The following SNTG2 variants were observed in gnomAD, a reference collection of about 807,000 sequenced individuals.
The protein encoded by SNTG2 is syntrophin gamma 2, also known as gamma-2-syntrophin.
Under a neutral mutation model 70.9 loss-of-function variants are expected in SNTG2, and 74 were observed. The observed-to-expected ratio is 1.04, with a 90% CI of 0.86 to 1.27. SNTG2 has a LOEUF of 1.27. SNTG2 is among the 50% of genes most tolerant of loss of function. SNTG2 has a pLI of 0.00. For missense variants in SNTG2, 717 were observed against 690.7 expected, an observed-to-expected ratio of 1.04 and a Z score of -0.43; for synonymous variants, 278 against 273.8, an observed-to-expected ratio of 1.02 and a Z score of -0.15.
chr2:989,945 G>A (rs1271395315), intron 1 of SNTG2, among the ~76,000 whole-genome samples: 4 of 152,232 alleles, frequency 2.6e-5, no homozygotes, highest in Admixed American at 2.6e-4. Flanking sequence ...AGGGGACCCT[G>A]CTGCATGGTC....
intron 16 of SNTG2, among the ~76,000 whole-genome samples, chr2:1,318,424 G>A (rs1181043529): frequency 6.6e-6 from 1 of 152,240 alleles, no homozygotes; most frequent in Non-Finnish European, 1.5e-5. Context: ...AAGTACAACG[G>A]AAATTGTATG....
rs1431713028 is a variant in SNTG2, at chr2:1,353,738, G to A, written c.1489-13605G>A. 6 of 152,198 alleles carry A rather than the reference G, an allele frequency of 3.9e-5. No individual in the cohort carries two copies. Among genetic ancestry groups the A allele is most frequent in the Non-Finnish European group, 7.3e-5 (5 of 68,036 alleles). 9.4% of individuals were successfully genotyped at this position (152,198 alleles called of 1,614,324 possible). A position where few individuals can be genotyped will look rare whatever the true frequency, so the allele number is the denominator to read the frequency against. On this transcript the variant is annotated intron_variant, in intron 16 of 16. Coordinates refer to ENST00000308624, the MANE Select transcript of SNTG2 (RefSeq NM_018968.4). The surrounding 1 kb of genome is among the most constrained non-coding windows in gnomAD (Gnocchi z 4.2). ...TAAGAACCCAGGATGGCTGCTCATC[G>A]GAGGGGCCAGTCATCTCACAGACAC...
chr2:968,187 C>T (rs1660632146), intron 1 of SNTG2, among the ~76,000 whole-genome samples: 1 of 151,684 alleles, frequency 6.6e-6, no homozygotes, highest in Non-Finnish European at 1.5e-5. Context: ...AGGGCTTATT[C>T]ACATTATTCA....
intron 9 of SNTG2, among the ~76,000 whole-genome samples, chr2:1,236,417 C>T (rs1022198295): frequency 5.9e-5 from 9 of 152,204 alleles, no homozygotes; most frequent in African/African-American, 2.2e-4. Context: ...AAGGGCTGTG[C>T]GAAGGTGGAG....
rs77860306 is a variant in SNTG2 at position 1,003,698 on chromosome 2, G to A, written c.72+52630G>A. Among the ~76,000 whole-genome samples the A allele has an allele frequency of 5.4e-4, 82 of 152,254 alleles. No individual in the cohort carries two copies. The East Asian group carries it at 0.014, about 25-fold the overall frequency. On this transcript the variant is annotated intron_variant, in intron 1 of 16. Coordinates refer to ENST00000308624, the MANE Select transcript of SNTG2 (RefSeq NM_018968.4). ...CCAGTGATGTCCTAAGCAGCTATGAGTTTCGGAAGGAGCTGCTGTGACGAT... is the reference window on the plus strand; with the variant it reads ...CCAGTGATGTCCTAAGCAGCTATGAATTTCGGAAGGAGCTGCTGTGACGAT...
intron 4 of SNTG2, among the ~76,000 whole-genome samples, chr2:1,101,396 CATTT>C (rs1295494960): frequency 3.9e-5 from 6 of 152,254 alleles, no homozygotes; most frequent in Admixed American, 1.3e-4. Context: ...TTTAGAGACA[CATTT>C]ATATCCTCGT....
At chr2:1,010,592 A>G (rs1044665349) in intron 1 of SNTG2, among the ~76,000 whole-genome samples, 4 of 152,230 alleles carry the variant, frequency 2.6e-5, no homozygotes, top group Non-Finnish European at 5.9e-5. Context: ...TGCAAAACAC[A>G]CATTGCAAGA....
At chr2:1,299,022 AC>A (rs1680336594) in intron 14 of SNTG2, among the ~76,000 whole-genome samples, 1 of 152,072 alleles carries the variant, frequency 6.6e-6, no homozygotes, top group South Asian at 2.1e-4. Context: ...CTATTGTGGG[AC>A]CCTGTGATTG....
At chr2:1,359,565 A>G (rs545116119) in intron 16 of SNTG2, among the ~76,000 whole-genome samples, 21 of 152,306 alleles carry the variant, frequency 1.4e-4, no homozygotes, top group Non-Finnish European at 2.6e-4. Context: ...CTTGAAATCT[A>G]AAGTGAGTCT....
At chr2:1,115,165 C>T (rs59387406) in intron 4 of SNTG2, among the ~76,000 whole-genome samples, 1,936 of 107,426 alleles carry the variant, frequency 0.018, 32 homozygotes, top group African/African-American at 0.063. Flanking sequence ...TCGTGTGTGC[C>T]AAGTGAGGTT....
At chr2:1,050,585 T>A (rs1662000700) in intron 1 of SNTG2, among the ~76,000 whole-genome samples, 1 of 152,226 alleles carries the variant, frequency 6.6e-6, no homozygotes, top group Non-Finnish European at 1.5e-5. Flanking sequence ...GTTCCTGATA[T>A]CTGGCAATAT....
At chr2:1,236,352 G>A (rs1005759602) in intron 9 of SNTG2, among the ~76,000 whole-genome samples, 2 of 152,242 alleles carry the variant, frequency 1.3e-5, no homozygotes, top group Non-Finnish European at 2.9e-5. Flanking sequence ...CCCACGGGAA[G>A]CGATGGATCC....
At chr2:1,311,253 C>A (rs1203508131) in intron 15 of SNTG2, among the ~76,000 whole-genome samples, 2 of 152,178 alleles carry the variant, frequency 1.3e-5, no homozygotes, top group East Asian at 3.9e-4. Context: ...GACCTGCTGA[C>A]CTATTTTCCT....
intron 9 of SNTG2, chr2:1,220,085 T>C (rs1353941203): frequency 1.3e-5 from 2 of 152,270 alleles, no homozygotes; most frequent in Non-Finnish European, 2.9e-5. Flanking sequence ...TTTTCTGGAA[T>C]TCGTCCATCC....
chr2:1,278,615 A>C (rs1414409876), intron 14 of SNTG2, among the ~76,000 whole-genome samples: 1 of 152,176 alleles, frequency 6.6e-6, no homozygotes, highest in African/African-American at 2.4e-5. Context: ...CTCCCTGCAG[A>C]CTTCATGGCC....
chr2:1,125,214 TA>T (rs757315864), intron 4 of SNTG2, among the ~76,000 whole-genome samples: 3 of 152,208 alleles, frequency 2.0e-5, no homozygotes, highest in Admixed American at 1.3e-4. Flanking sequence ...TCAGTTACTA[TA>T]AATAGCTACT....
rs1675173012 is a variant in SNTG2, at chr2:1,222,091, CTCTGTCTCTCTCTGTCTCTCTCTG to C, written c.719+12865_719+12888del. Among the ~76,000 whole-genome samples, 11 of 62,998 alleles carry C rather than the reference CTCTGTCTCTCTCTGTCTCTCTCTG, an allele frequency of 1.7e-4. 4 individuals are homozygous for C. Among genetic ancestry groups the C allele is most frequent in the Admixed American group, 1.1e-3 (6 of 5,414 alleles). 41.3% of individuals were successfully genotyped at this position (62,998 alleles called of 152,430 possible). On this transcript the variant is annotated intron_variant, in intron 9 of 16. Transcript: ENST00000308624. ...TCTCTCTGTCTCTGTCTCTGTCTCTCTCTGTCTCTCTCTGTCTCTCTCTGTCTCTCTCTGTCTCTCTCTGTCTCT... is the reference window on the plus strand; with the variant it reads ...TCTCTCTGTCTCTGTCTCTGTCTCTCTCTCTCTCTGTCTCTCTCTGTCTCT...
At chr2:1,076,479 T>C (rs1231702237) in intron 1 of SNTG2, among the ~76,000 whole-genome samples, 1 of 152,220 alleles carries the variant, frequency 6.6e-6, no homozygotes, top group Non-Finnish European at 1.5e-5. Context: ...ACAACTTGCA[T>C]ACATTTTTGT....
rs143010080 is a variant in SNTG2 at position 1,224,249 on chromosome 2, C to T, written c.720-13639C>T. 7.7e-3 allele frequency among the ~76,000 whole-genome samples: 1,167 copies of T among 152,306 alleles called. 5 individuals are homozygous for T. Among genetic ancestry groups the T allele is most frequent in the South Asian group, 0.017 (80 of 4,822 alleles). ...CACGTTCAATCCACTGGGAATTTGA[C>T]CCCAGACTTGGGGATGGGAGTTGCT... On this transcript the variant is annotated intron_variant, in intron 9 of 16. Coordinates refer to ENST00000308624, the MANE Select transcript of SNTG2 (RefSeq NM_018968.4).
Sources: gnomAD v4.1 joint callset for allele counts (sites outside exome capture counted in the v4.1 genomes callset) on GRCh38, gnomAD v4.1.1 for gene constraint, Gnocchi (gnomAD v3.1) non-coding constraint, MANE v1.5 for transcripts, NCBI Gene and HGNC (gene_info 2026-07-23, HGNC 2026-07-21) for gene names.